The following PIGU variants were observed in gnomAD, a reference collection of about 807,000 sequenced individuals.
PIGU encodes the protein GPI-anchor transamidase component PIGU.
A neutral mutation model predicts 49.9 loss-of-function variants in PIGU; 24 were observed. The ratio of observed to expected loss-of-function variants is 0.48; its 90% CI spans 0.35 to 0.68. The LOEUF is 0.68. PIGU is among the 30% of genes least tolerant of loss of function. The pLI is 0.01. For missense variants in PIGU, 490 were observed against 532.6 expected (o/e 0.92, Z 0.79); for synonymous variants, 220 against 205.7 (o/e 1.07, Z -0.59).
intron 11 of PIGU, among the ~76,000 whole-genome samples, chr20:34,569,506 C>T (rs1014378463): frequency 1.3e-5 from 2 of 152,188 alleles, no homozygotes; most frequent in South Asian, 2.1e-4. Flanking sequence ...GTTGGGATTA[C>T]AGGCACGAGC....
chr20:34,656,901 T>C (rs1317627825), intron 2 of PIGU, among the ~76,000 whole-genome samples: 1 of 152,206 alleles, frequency 6.6e-6, no homozygotes, highest in African/African-American at 2.4e-5. Flanking sequence ...ATACAACCTA[T>C]TTGCGGACTA....
rs532822255 is a variant in PIGU at position 34,647,537 on chromosome 20, A to AGC, written c.196-2205_196-2204dup. Among the ~76,000 whole-genome samples the AGC allele has an allele frequency of 8.2e-3, 1,245 of 151,972 alleles. 25 individuals carry two copies. The highest frequency in any genetic ancestry group is 0.029 in the African/African-American group (1,204 of 41,442). On this transcript the variant is annotated intron_variant, in intron 2 of 11. Transcript: ENST00000217446. Reference sequence around the variant, plus strand: ...GGCCTCCCAAAGTGCTGGGATTACAAGCGTGAGCCACCATGCCCGGCCTAA... The same window carrying AGC: ...GGCCTCCCAAAGTGCTGGGATTACAAGCGCGTGAGCCACCATGCCCGGCCTAA...
At chr20:34,648,946 C>A (rs1414872574) in intron 2 of PIGU, among the ~76,000 whole-genome samples, 1 of 152,182 alleles carries the variant, frequency 6.6e-6, no homozygotes. Flanking sequence ...CAGCTCACTG[C>A]AACCTCCGCC....
At chr20:34,645,154 G>T in intron 3 of PIGU, 121 bp downstream of exon 3, 2 of 1,137,274 alleles carry the variant, frequency 1.8e-6, no homozygotes, top group Non-Finnish European at 1.2e-6. Flanking sequence ...AGGAGTCCAA[G>T]ACCAGCCTGG....
rs182022997 is a variant in PIGU at position 34,665,070 on chromosome 20, C to T, written c.131-7826G>A. Among the ~76,000 whole-genome samples the T allele has an allele frequency of 2.2e-3, 340 of 151,970 alleles. 1 individual carries two copies. The highest frequency in any genetic ancestry group is 7.6e-3 in the African/African-American group (316 of 41,486). On this transcript the variant is annotated intron_variant, in intron 1 of 11. Transcript: ENST00000217446. The stretch of plus-strand genomic sequence containing the variant: ...AGACAGTCTCACACTCTGTCGCCCA[C>T]GCTAGAGTGCAGTGGCATGATCTTG...
intron 11 of PIGU, among the ~76,000 whole-genome samples, chr20:34,574,363 G>A (rs1214894247): frequency 6.6e-6 from 1 of 152,218 alleles, no homozygotes; most frequent in East Asian, 1.9e-4. Context: ...CATGTACTTG[G>A]GACGGCTGCA....
At chr20:34,584,266 G>T (rs1361192196) in intron 9 of PIGU, among the ~76,000 whole-genome samples, 2 of 152,124 alleles carry the variant, frequency 1.3e-5, no homozygotes, top group Non-Finnish European at 2.9e-5. Flanking sequence ...GTTTCAGAGG[G>T]TCTAGAAAGG....
intron 2 of PIGU, among the ~76,000 whole-genome samples, chr20:34,652,298 C>T (rs1986567811): frequency 6.6e-6 from 1 of 152,118 alleles, no homozygotes; most frequent in African/African-American, 2.4e-5. Context: ...AGCCACCGTG[C>T]CTGGCCTCAG....
chr20:34,672,237 G>A (rs1031894492), intron 1 of PIGU, among the ~76,000 whole-genome samples: 3 of 152,070 alleles, frequency 2.0e-5, no homozygotes, highest in African/African-American at 7.2e-5. Flanking sequence ...CACAAAACCC[G>A]GCCTGGAAAT....
intron 1 of PIGU, among the ~76,000 whole-genome samples, chr20:34,669,398 G>A (rs1987232782): frequency 1.3e-5 from 2 of 152,262 alleles, no homozygotes; most frequent in African/African-American, 2.4e-5. Context: ...CTGGTGCAGT[G>A]ACTCATGCCT....
chr20:34,644,017 C>A, intron 4 of PIGU, 147 bp downstream of exon 4: 1 of 660,690 alleles, frequency 1.5e-6, no homozygotes, highest in South Asian at 1.8e-5. Context: ...GTTGATCATT[C>A]CAGAGCTGGC....
Position 34,644,148 on chromosome 20 carries a change from C to T in PIGU, c.318+16G>A, listed in dbSNP as rs758953360. Reference sequence around the variant, plus strand: ...ACCAAATTCCACCAGCTTTGCTCCACCCACAAACTACTTACCACAACTTTA... The same window carrying T: ...ACCAAATTCCACCAGCTTTGCTCCATCCACAAACTACTTACCACAACTTTA... On this transcript the variant is annotated intron_variant, in intron 4 of 11. Coordinates refer to ENST00000217446, the MANE Select transcript of PIGU (RefSeq NM_080476.5). 1.2e-5 allele frequency: 19 copies of T among 1,594,884 alleles called. No individual in the cohort carries two copies. The South Asian group carries it at 1.9e-4, about 16-fold the overall frequency.
chr20:34,580,989 G>C (rs964724429), intron 10 of PIGU, among the ~76,000 whole-genome samples: 35 of 152,178 alleles, frequency 2.3e-4, no homozygotes, highest in African/African-American at 7.5e-4. Flanking sequence ...AGGGCATAGA[G>C]TTCTGCTGTC....
Position 34,640,763 on chromosome 20 carries a change from A to G in PIGU, c.319-2778T>C, listed in dbSNP as rs571266223. ...TTCCATATGTAAGTTATATTAAAAA[A>G]TCAAAATGTTTTAATTTTTAAAAAT... is the stretch of plus-strand genomic sequence containing the variant. On this transcript the variant is annotated intron_variant, in intron 4 of 11. Transcript: ENST00000217446. 6.0e-4 allele frequency among the ~76,000 whole-genome samples: 91 copies of G among 152,330 alleles called. 1 individual carries two copies. Among genetic ancestry groups the G allele is most frequent in the African/African-American group, 2.2e-3 (90 of 41,578 alleles).
chr20:34,577,429 A>G (rs1983280290), intron 10 of PIGU, among the ~76,000 whole-genome samples: 1 of 152,106 alleles, frequency 6.6e-6, no homozygotes, highest in Non-Finnish European at 1.5e-5. Context: ...ACAAAACAAA[A>G]TCACGGCCGG....
At chr20:34,675,979 ACT>A (rs770180657) in intron 1 of PIGU, among the ~76,000 whole-genome samples, 7 of 151,394 alleles carry the variant, frequency 4.6e-5, no homozygotes, top group Non-Finnish European at 4.4e-5. Context: ...AATTCATTGA[ACT>A]CTACACTTAC....
chr20:34,638,167 A>G (rs1005406063), intron 4 of PIGU, among the ~76,000 whole-genome samples, 182 bp from the exon 5 acceptor site: 3 of 152,126 alleles, frequency 2.0e-5, no homozygotes, highest in African/African-American at 7.2e-5. Context: ...AGCACCATGA[A>G]CATGCTGTGT....
chr20:34,668,483 A>AGGGG (rs1260284257), intron 1 of PIGU, among the ~76,000 whole-genome samples: 2 of 88,714 alleles, frequency 2.3e-5, no homozygotes, highest in Admixed American at 1.8e-4. Context: ...AAAAAAAAAA[A>AGGGG]GGGGGGGGCG....
chr20:34,634,814 AAAGG>A lies in PIGU; in HGVS notation c.429-103_429-100del, dbSNP rs1475695355. The A allele has an allele frequency of 9.4e-6, 14 of 1,488,488 alleles. No homozygotes were observed. In the Admixed American group the frequency reaches 1.7e-4, roughly 19 times the overall value. 92.2% of individuals were successfully genotyped at this position (1,488,488 alleles called of 1,614,324 possible). On this transcript the variant is annotated intron_variant, in intron 5 of 11. Transcript: ENST00000217446. ...CAAGAGATTTATTAAAAGCTTACGC[AAAGG>A]AAGGCAGCTTCTCAGAAATGAGTTC...
Sources: allele counts gnomAD v4.1 joint callset (sites outside exome capture counted in the v4.1 genomes callset), GRCh38; gene constraint gnomAD v4.1.1; transcripts MANE v1.5; gene names NCBI Gene and HGNC (gene_info 2026-07-23, HGNC 2026-07-21).